The following ARHGAP42 variants were observed in gnomAD, a reference collection of about 807,000 sequenced individuals.
The protein encoded by ARHGAP42 is Rho GTPase activating protein 42.
Under a neutral mutation model 125.0 loss-of-function variants are expected in ARHGAP42, and 63 were observed. That is an observed-to-expected ratio of 0.50 (90% CI 0.41 to 0.62). The LOEUF is 0.62. Among genes scored for constraint, ARHGAP42 ranks in the 20% least tolerant of loss-of-function variants. The probability of loss-of-function intolerance (pLI) is 0.00; values close to 1 mark genes in which losing one functional copy is unlikely to be tolerated. For synonymous variants in ARHGAP42, 339 were observed against 351.0 expected (o/e 0.97, Z 0.38); for missense variants, 766 against 1,024.2 (o/e 0.75, Z 3.44).
intron 12 of ARHGAP42, among the ~76,000 whole-genome samples, chr11:100,950,244 AAATATAT>A (rs944671005): frequency 7.5e-5 from 11 of 146,518 alleles, no homozygotes; most frequent in African/African-American, 2.5e-4. Flanking sequence ...TATTTATATA[AAATATAT>A]AATATATAAT....
intron 3 of ARHGAP42, among the ~76,000 whole-genome samples, chr11:100,831,133 C>CATATT (rs1400846595): frequency 6.6e-6 from 1 of 152,040 alleles, no homozygotes; most frequent in Non-Finnish European, 1.5e-5. Flanking sequence ...TGAGCTTGGG[C>CATATT]ATATTACCAA....
chr11:100,906,348 G>A (rs1866736901), intron 4 of ARHGAP42, among the ~76,000 whole-genome samples: 1 of 152,124 alleles, frequency 6.6e-6, no homozygotes, highest in Non-Finnish European at 1.5e-5. Flanking sequence ...GAATGAATTA[G>A]TCCTCAGAAA....
At chr11:100,821,491 C>T (rs568264824) in intron 3 of ARHGAP42, among the ~76,000 whole-genome samples, 19 of 151,846 alleles carry the variant, frequency 1.3e-4, no homozygotes, top group Admixed American at 3.9e-4. Context: ...TTCAAAATGA[C>T]GAAAGAATCA....
intron 6 of ARHGAP42, among the ~76,000 whole-genome samples, chr11:100,925,645 C>T (rs891251447): frequency 8.6e-5 from 13 of 152,004 alleles, no homozygotes; most frequent in Non-Finnish European, 1.0e-4. Context: ...GGCTGAGGCA[C>T]GAGAATCACT....
chr11:100,785,250 G>A (rs1417592138), intron 2 of ARHGAP42, among the ~76,000 whole-genome samples: 1 of 152,194 alleles, frequency 6.6e-6, no homozygotes, highest in Non-Finnish European at 1.5e-5. Context: ...TGAAGAGAAT[G>A]AATAAAGACA....
chr11:100,935,246 AG>A (rs1288741458), intron 7 of ARHGAP42, among the ~76,000 whole-genome samples: 1 of 152,146 alleles, frequency 6.6e-6, no homozygotes, highest in Non-Finnish European at 1.5e-5. Flanking sequence ...CATAGAGAAA[AG>A]TCTGATTCTT....
rs567550892 is a variant in ARHGAP42, at chr11:100,756,918, A to G, written c.155-13425A>G. ...TTACTTTGTGCTTAGTTTTTAGAATAAAAGATTGAGATTTATTTTTATGCT... is the reference window on the plus strand; with the variant it reads ...TTACTTTGTGCTTAGTTTTTAGAATGAAAGATTGAGATTTATTTTTATGCT... On this transcript the variant is annotated intron_variant, in intron 1 of 23. Coordinates refer to ENST00000298815, the MANE Select transcript of ARHGAP42 (RefSeq NM_152432.4). Among the ~76,000 whole-genome samples, 6 of 152,342 alleles carry G rather than the reference A, an allele frequency of 3.9e-5. No homozygotes were observed. The South Asian group carries it at 1.2e-3, about 32-fold the overall frequency.
In ARHGAP42 at chr11:100,921,566, G is replaced by A. The variant is rs1167435455; in HGVS notation, c.559G>A (p.Glu187Lys). 2 of 1,543,148 alleles carry A rather than the reference G, an allele frequency of 1.3e-6. No individual in the cohort carries two copies. Among genetic ancestry groups the A allele is most frequent in the South Asian group, 1.2e-5 (1 of 82,340 alleles). ...ASLEYVFKIQ[E>K]VQEKKKFEFV... ...ATTAGAATATGTCTTTAAAATTCAA[G>A]AGGTCCAAGAAAAAAAGAAGTTTGA... Residue 187 changes from glutamate to lysine, a missense_variant, in exon 6 of 24, where the codon GAG becomes AAG. Around this residue, in one of 3 missense-constraint regions of ARHGAP42, gnomAD observed 455 missense variants for 636.5 expected, o/e 0.71. Coordinates refer to ENST00000298815, the MANE Select transcript of ARHGAP42 (RefSeq NM_152432.4).
chr11:100,906,985 G>T (rs1047481383), intron 4 of ARHGAP42, among the ~76,000 whole-genome samples: 3 of 152,086 alleles, frequency 2.0e-5, no homozygotes, highest in Non-Finnish European at 4.4e-5. Context: ...GGACATTTCT[G>T]TTAGCATCTC....
At chr11:100,733,437 A>C (rs1338608123) in intron 1 of ARHGAP42, among the ~76,000 whole-genome samples, 1 of 152,190 alleles carries the variant, frequency 6.6e-6, no homozygotes, top group Admixed American at 6.5e-5. Flanking sequence ...CTACATATAC[A>C]CTTGAATTAT....
chr11:100,932,918 A>G (rs996934817), intron 6 of ARHGAP42, among the ~76,000 whole-genome samples: 1 of 152,186 alleles, frequency 6.6e-6, no homozygotes, highest in Non-Finnish European at 1.5e-5. Context: ...AGAATAGTTA[A>G]CATGACAAAT....
chr11:100,846,602 A>T (rs7125051), intron 3 of ARHGAP42, among the ~76,000 whole-genome samples: 1,820 of 152,042 alleles, frequency 0.012, 43 homozygotes, highest in African/African-American at 0.041. Flanking sequence ...TCTTTGGGGG[A>T]TACAAAAATA....
intron 3 of ARHGAP42, among the ~76,000 whole-genome samples, chr11:100,826,367 G>A (rs1033328270): frequency 6.6e-6 from 1 of 152,060 alleles, no homozygotes; most frequent in Non-Finnish European, 1.5e-5. Flanking sequence ...GCTTCTACAT[G>A]TTTTCAGAGG....
intron 10 of ARHGAP42, 89 bp from the exon 11 acceptor site, chr11:100,948,367 CT>C (rs11300533): frequency 0.87 from 850,390 of 974,130 alleles, 372,050 homozygotes; most frequent in East Asian, 1. Flanking sequence ...TTTCTCTTAA[CT>C]TTTTTTCTTC....
chr11:100,711,359 C>G (rs1347616419), intron 1 of ARHGAP42, among the ~76,000 whole-genome samples: 1 of 152,070 alleles, frequency 6.6e-6, no homozygotes, highest in African/African-American at 2.4e-5. Context: ...CAATGAGAAT[C>G]TTCTCTGTTT....
In ARHGAP42 at chr11:100,687,576, C is replaced by T; in HGVS notation, c.-103C>T. 1.0e-6 allele frequency: 1 copy of T among 963,806 alleles called. No homozygotes were observed. Among genetic ancestry groups the T allele is most frequent in the Non-Finnish European group, 1.3e-6 (1 of 765,436 alleles). The allele number at this position is 963,806 out of a possible 1,614,324, so 59.7% of individuals were successfully genotyped here. A position where few individuals can be genotyped will look rare whatever the true frequency, so the allele number is the denominator to read the frequency against. On this transcript the variant is annotated 5_prime_UTR_variant, in exon 1 of 24. Coordinates refer to ENST00000298815, the MANE Select transcript of ARHGAP42 (RefSeq NM_152432.4). Reference sequence around the variant, plus strand: ...CAGTCCCCTCGCGTCCCGGCGCCTTCCCCGCGATCGCGCGACCCCAGCGCC... The same window carrying T: ...CAGTCCCCTCGCGTCCCGGCGCCTTTCCCGCGATCGCGCGACCCCAGCGCC...
At chr11:100,745,940 A>T (rs754753819) in intron 1 of ARHGAP42, among the ~76,000 whole-genome samples, 8 of 152,190 alleles carry the variant, frequency 5.3e-5, no homozygotes. Flanking sequence ...GGTATTCCCC[A>T]TGGGACTCTA....
In ARHGAP42 at chr11:100,687,726, A is replaced by C; in HGVS notation, c.48A>C (p.Pro16=). ...TCAGCGATTCCTACTTGGACAGCCCAGATTTCAGGGAGCGCTTGCAGTGTC... is the reference window on the plus strand; with the variant it reads ...TCAGCGATTCCTACTTGGACAGCCCCGATTTCAGGGAGCGCTTGCAGTGTC... The part of the protein sequence containing the change: ...LEFSDSYLDS[P]DFRERLQCHE... The change falls in exon 1 of 24, where the codon CCA becomes CCC. Residue 16 remains proline, a synonymous_variant. Transcript: ENST00000298815. 1 of 1,549,928 alleles carries C rather than the reference A, an allele frequency of 6.5e-7. No individual in the cohort carries two copies. Among genetic ancestry groups the C allele is most frequent in the Non-Finnish European group, 8.7e-7 (1 of 1,146,600 alleles).
intron 4 of ARHGAP42, among the ~76,000 whole-genome samples, chr11:100,903,712 ATATAT>A (rs1565268107): frequency 0.056 from 1,862 of 33,402 alleles, 156 homozygotes; most frequent in African/African-American, 0.094. Flanking sequence ...CCCTCAAAAT[ATATAT>A]ATATATATAT....
Sources: allele counts gnomAD v4.1 joint callset (sites outside exome capture counted in the v4.1 genomes callset), GRCh38; gene constraint gnomAD v4.1.1; regional missense constraint gnomAD v4.1.1; transcripts MANE v1.5; gene names NCBI Gene and HGNC (gene_info 2026-07-23, HGNC 2026-07-21).